The following CEMIP variants were observed in gnomAD, a reference collection of about 807,000 sequenced individuals.
CEMIP encodes cell migration inducing hyaluronidase 1.
In CEMIP, 105 loss-of-function variants were observed where a neutral mutation model predicts 156.9. The observed-to-expected ratio is 0.67, with a 90% CI of 0.57 to 0.79. CEMIP has a LOEUF of 0.79. CEMIP is among the 30% of genes least tolerant of loss of function. The pLI is 0.00. For missense variants in CEMIP, 1,457 were observed against 1,769.4 expected, an observed-to-expected ratio of 0.82 and a Z score of 3.17; for synonymous variants, 676 against 668.4, an observed-to-expected ratio of 1.01 and a Z score of -0.17.
At position 80,932,901 on chromosome 15, in the gene CEMIP, C is replaced by T. The variant is rs1900977171; in HGVS notation, c.2794-344C>T. On this transcript the variant is annotated intron_variant, in intron 22 of 29. Coordinates refer to ENST00000394685, the MANE Select transcript of CEMIP (RefSeq NM_001293298.2). The surrounding 1 kb of genome is among the most constrained non-coding windows in gnomAD (Gnocchi z 4.5). ...ACACATCACCCCCACCTCCCTCTCA[C>T]ACACAGTCACACTCACAGTCCTCAG... 6.6e-6 allele frequency among the ~76,000 whole-genome samples: 1 copy of T among 152,218 alleles called. No individual in the cohort carries two copies. Among genetic ancestry groups the T allele is most frequent in the Non-Finnish European group, 1.5e-5 (1 of 68,042 alleles).
chr15:80,809,123 T>C (rs531305237), intron 1 of CEMIP, among the ~76,000 whole-genome samples: 11 of 152,332 alleles, frequency 7.2e-5, no homozygotes, highest in Admixed American at 5.2e-4. Context: ...ATGGGTACTA[T>C]ATTAAAGCCA....
intron 1 of CEMIP, among the ~76,000 whole-genome samples, chr15:80,809,122 A>G (rs1365239165): frequency 6.6e-6 from 1 of 152,216 alleles, no homozygotes; most frequent in Non-Finnish European, 1.5e-5. Flanking sequence ...AATGGGTACT[A>G]TATTAAAGCC....
intron 20 of CEMIP, 39 bp from the exon 21 acceptor site, chr15:80,928,980 G>A (rs761540368): frequency 6.2e-7 from 1 of 1,614,234 alleles, no homozygotes; most frequent in Admixed American, 1.7e-5. Context: ...GTGGGATCTT[G>A]TCTCTGGGCA....
chr15:80,947,140 A>G (rs1901592411), intron 29 of CEMIP, 75 bp downstream of exon 29: 1 of 935,826 alleles, frequency 1.1e-6, no homozygotes. Context: ...GGGTGCTGTC[A>G]TCTTTTGCTG....
intron 1 of CEMIP, among the ~76,000 whole-genome samples, chr15:80,827,231 G>A (rs1300724778): frequency 2.6e-5 from 4 of 152,114 alleles, no homozygotes; most frequent in Non-Finnish European, 5.9e-5. Flanking sequence ...ATGAGAAAGG[G>A]AGAGAAAGAG....
At chr15:80,935,254 CT>C (rs1321221158) in intron 23 of CEMIP, among the ~76,000 whole-genome samples, 1 of 152,090 alleles carries the variant, frequency 6.6e-6, no homozygotes, top group Non-Finnish European at 1.5e-5. Context: ...CAGTCATGTC[CT>C]GAATAATTGA....
chr15:80,812,929 T>G (rs1896704086), intron 1 of CEMIP, among the ~76,000 whole-genome samples: 1 of 152,202 alleles, frequency 6.6e-6, no homozygotes, highest in South Asian at 2.1e-4. Context: ...ATGGCTTCAT[T>G]GAAAATGCAG....
chr15:80,882,849 G>C (rs1265563477), intron 6 of CEMIP, among the ~76,000 whole-genome samples: 1 of 152,108 alleles, frequency 6.6e-6, no homozygotes, highest in Non-Finnish European at 1.5e-5. Flanking sequence ...CAGGAACTTA[G>C]GTCAGCTTTT....
chr15:80,799,073 G>T (rs1896305500), intron 1 of CEMIP, among the ~76,000 whole-genome samples: 1 of 152,222 alleles, frequency 6.6e-6, no homozygotes, highest in Non-Finnish European at 1.5e-5. Context: ...TGTGGAAGAT[G>T]ACAGGAATGA....
chr15:80,944,507 T>C (rs1431680507), intron 28 of CEMIP, among the ~76,000 whole-genome samples: 1 of 152,134 alleles, frequency 6.6e-6, no homozygotes, highest in African/African-American at 2.4e-5. Flanking sequence ...ACCTGCTACA[T>C]AGTAGGTGCT....
At chr15:80,938,605 G>A (rs997347567) in intron 25 of CEMIP, among the ~76,000 whole-genome samples, 1 of 152,078 alleles carries the variant, frequency 6.6e-6, no homozygotes, top group Non-Finnish European at 1.5e-5. Context: ...TGAGAGATGG[G>A]CAAAGAAGGC....
intron 3 of CEMIP, among the ~76,000 whole-genome samples, chr15:80,874,281 A>G (rs1201897468): frequency 6.6e-6 from 1 of 152,242 alleles, no homozygotes; most frequent in African/African-American, 2.4e-5. Context: ...CAACTGGAGA[A>G]CTGAGACCCT....
chr15:80,814,373 G>A (rs1896743109), intron 1 of CEMIP, among the ~76,000 whole-genome samples: 1 of 152,112 alleles, frequency 6.6e-6, no homozygotes, highest in Admixed American at 6.6e-5. Flanking sequence ...TGACACCAGA[G>A]CAACCCACGG....
intron 1 of CEMIP, among the ~76,000 whole-genome samples, chr15:80,854,164 A>G (rs948459596): frequency 2.0e-5 from 3 of 152,230 alleles, no homozygotes; most frequent in Non-Finnish European, 4.4e-5. Flanking sequence ...ACTTTCTCTC[A>G]TTTTATGGAG....
chr15:80,912,795 T>G (rs1393316968), intron 14 of CEMIP, among the ~76,000 whole-genome samples: 1 of 152,134 alleles, frequency 6.6e-6, no homozygotes, highest in Admixed American at 6.5e-5. Context: ...CATCAGTATT[T>G]TACATTTGCT....
At chr15:80,795,938 T>A (rs1896212562) in intron 1 of CEMIP, among the ~76,000 whole-genome samples, 1 of 152,278 alleles carries the variant, frequency 6.6e-6, no homozygotes, top group East Asian at 1.9e-4. Context: ...TTAAATGATA[T>A]GGAGTTTTTT....
chr15:80,832,336 G>GTGTA, intron 1 of CEMIP, among the ~76,000 whole-genome samples: 1 of 151,030 alleles, frequency 6.6e-6, no homozygotes, highest in Non-Finnish European at 1.5e-5. Flanking sequence ...GTGTGTGTGT[G>GTGTA]TGTGTGTGTG....
rs1207284732 is a variant in CEMIP at position 80,829,997 on chromosome 15, TGTGTGCGC to T, written c.-175-43539_-175-43532del. 8.0e-5 allele frequency among the ~76,000 whole-genome samples: 12 copies of T among 150,014 alleles called. No individual in the cohort carries two copies. In the South Asian group the frequency reaches 1.9e-3, roughly 24 times the overall value. On this transcript the variant is annotated intron_variant, in intron 1 of 29. Transcript: ENST00000394685. ...GTGTGTGTGTGTGTGTGTGTGTGTG[TGTGTGCGC>T]GCATGTCCTTCCAATAAGCAACCAG...
rs1163805941 is a variant in CEMIP at position 80,921,035 on chromosome 15, T to C, written c.2007T>C (p.Ala669=). The change falls in exon 16 of 30, where the codon GCT becomes GCC. Residue 669 remains alanine (A), a synonymous_variant. Transcript: ENST00000394685. ...YIPKPRQDCN[A]VSTFWMANPN... Reference sequence around the variant, plus strand: ...GGTATCTCTGCCCTCCCTGCAGTGCTGTGTCCACCTTCTGGATGGCCAATC... The same window carrying C: ...GGTATCTCTGCCCTCCCTGCAGTGCCGTGTCCACCTTCTGGATGGCCAATC... The C allele has an allele frequency of 1.2e-6, 2 of 1,614,124 alleles. No homozygotes were observed. The highest frequency in any genetic ancestry group is 2.2e-5 in the South Asian group (2 of 91,080).
Sources: allele counts gnomAD v4.1 joint callset (sites outside exome capture counted in the v4.1 genomes callset), GRCh38; gene constraint gnomAD v4.1.1; non-coding constraint Gnocchi (gnomAD v3.1); transcripts MANE v1.5; gene names NCBI Gene and HGNC (gene_info 2026-07-23, HGNC 2026-07-21).